Variants in CACNA2D3 observed in about 807,000 individuals in gnomAD.
The protein encoded by CACNA2D3 is calcium voltage-gated channel auxiliary subunit alpha2delta 3.
Under a neutral mutation model 160.6 loss-of-function variants are expected in CACNA2D3, and 60 were observed. The ratio of observed to expected loss-of-function variants is 0.37; its 90% CI spans 0.30 to 0.46. CACNA2D3 has a LOEUF of 0.46. Among genes scored for constraint, CACNA2D3 ranks in the 20% least tolerant of loss-of-function variants. The pLI, the probability that CACNA2D3 is intolerant of heterozygous loss-of-function variation, is 1.00. For synonymous variants in CACNA2D3, 558 were observed against 492.9 expected, an observed-to-expected ratio of 1.13 and a Z score of -1.75; for missense variants, 1,205 against 1,365.0, an observed-to-expected ratio of 0.88 and a Z score of 1.85.
At position 55,037,770 on chromosome 3, in the gene CACNA2D3, G is replaced by A. The variant is rs566662376; in HGVS notation, c.2987+19453G>A. On this transcript the variant is annotated intron_variant, in intron 35 of 37. Coordinates refer to ENST00000474759, the MANE Select transcript of CACNA2D3 (RefSeq NM_018398.3). ...TCACTTCTCCCCTCTGAAGCAATAA[G>A]TTTGTTTGCTTTCCCTGGCGTTAAC... Among the ~76,000 whole-genome samples the A allele has an allele frequency of 3.3e-5, 5 of 152,250 alleles. No individual in the cohort carries two copies. In the South Asian group the frequency reaches 8.3e-4, roughly 25 times the overall value.
chr3:54,738,430 A>G (rs1276176142), intron 11 of CACNA2D3, among the ~76,000 whole-genome samples: 1 of 152,228 alleles, frequency 6.6e-6, no homozygotes, highest in Non-Finnish European at 1.5e-5. Flanking sequence ...TGAAGGAAAC[A>G]TTTTGAAAAA....
chr3:54,866,370 A>G (rs1699400933), intron 17 of CACNA2D3, among the ~76,000 whole-genome samples: 1 of 152,194 alleles, frequency 6.6e-6, no homozygotes, highest in African/African-American at 2.4e-5. Flanking sequence ...ACAGGGCTTC[A>G]GAGGAAGTGG....
chr3:54,468,511 G>T (rs1202136178), intron 4 of CACNA2D3, among the ~76,000 whole-genome samples: 1 of 152,172 alleles, frequency 6.6e-6, no homozygotes, highest in African/African-American at 2.4e-5. Context: ...CAGCCGTTTG[G>T]TCAGACACTG....
At chr3:54,289,974 T>C (rs902664720) in intron 2 of CACNA2D3, among the ~76,000 whole-genome samples, 6 of 151,394 alleles carry the variant, frequency 4.0e-5, no homozygotes, top group African/African-American at 1.5e-4. Context: ...AACGTAGGCA[T>C]TACCATTCAG....
At chr3:54,680,581 C>T (rs1372224181) in intron 11 of CACNA2D3, among the ~76,000 whole-genome samples, 2 of 152,138 alleles carry the variant, frequency 1.3e-5, no homozygotes, top group Non-Finnish European at 2.9e-5. Flanking sequence ...AAGATATTTG[C>T]AAAGAGGAAA....
intron 16 of CACNA2D3, among the ~76,000 whole-genome samples, chr3:54,841,449 C>T (rs1698818476): frequency 6.6e-6 from 1 of 152,178 alleles, no homozygotes; most frequent in Non-Finnish European, 1.5e-5. Context: ...ATAAGTTAAC[C>T]TAAGGCATCC....
At chr3:54,848,001 A>G (rs987762050) in intron 17 of CACNA2D3, among the ~76,000 whole-genome samples, 2 of 152,224 alleles carry the variant, frequency 1.3e-5, no homozygotes, top group African/African-American at 4.8e-5. Flanking sequence ...TGTCATTTAA[A>G]GGAAAAATGA....
At chr3:54,352,254 G>A (rs527942041) in intron 3 of CACNA2D3, among the ~76,000 whole-genome samples, 2 of 152,222 alleles carry the variant, frequency 1.3e-5, no homozygotes, top group South Asian at 4.2e-4. Context: ...CTACTGAGTC[G>A]TTTATAAAAT....
intron 27 of CACNA2D3, among the ~76,000 whole-genome samples, chr3:54,917,420 C>T (rs1018870881): frequency 2.6e-5 from 4 of 152,186 alleles, no homozygotes; most frequent in Admixed American, 2.6e-4. Flanking sequence ...TGCAGTCTTC[C>T]TTCTTACTCC....
intron 6 of CACNA2D3, among the ~76,000 whole-genome samples, chr3:54,563,667 C>T (rs1243918871): frequency 3.3e-5 from 5 of 152,160 alleles, no homozygotes; most frequent in Non-Finnish European, 2.9e-5. Flanking sequence ...TGCAACTGTG[C>T]CAACATCACA....
At chr3:54,925,150 A>C in intron 27 of CACNA2D3, 1 of 1,614,072 alleles carries the variant, frequency 6.2e-7, no homozygotes, top group East Asian at 2.2e-5. Flanking sequence ...TGACAGTAAC[A>C]CTTGTCCGGG....
chr3:54,482,227 G>T (rs1280810668), intron 4 of CACNA2D3, among the ~76,000 whole-genome samples: 1 of 152,178 alleles, frequency 6.6e-6, no homozygotes, highest in East Asian at 1.9e-4. Context: ...TGGCTTTTCT[G>T]TAAGTTGAAA....
chr3:54,651,328 G>C (rs759594891), intron 11 of CACNA2D3, among the ~76,000 whole-genome samples: 2 of 151,148 alleles, frequency 1.3e-5, no homozygotes, highest in Non-Finnish European at 2.9e-5. Context: ...CTCTAGATGT[G>C]ATTAAATGAT....
At chr3:54,334,058 C>T (rs1704324062) in intron 3 of CACNA2D3, among the ~76,000 whole-genome samples, 1 of 152,090 alleles carries the variant, frequency 6.6e-6, no homozygotes. Context: ...GGGACTTTGC[C>T]CCAGTCATTT....
chr3:54,482,535 T>C (rs546408527), intron 4 of CACNA2D3, among the ~76,000 whole-genome samples: 182 of 152,314 alleles, frequency 1.2e-3, no homozygotes, highest in Non-Finnish European at 2.1e-3. Context: ...AATTTATGTT[T>C]ATTTTCTGTT....
At chr3:54,146,729 G>A (rs943678348) in intron 2 of CACNA2D3, among the ~76,000 whole-genome samples, 2 of 152,222 alleles carry the variant, frequency 1.3e-5, no homozygotes, top group Non-Finnish European at 2.9e-5. Flanking sequence ...TTAGGGGGAG[G>A]CCCTGAGGGA....
intron 3 of CACNA2D3, among the ~76,000 whole-genome samples, chr3:54,369,205 A>G (rs1052290028): frequency 2.6e-5 from 4 of 152,056 alleles, no homozygotes; most frequent in Non-Finnish European, 5.9e-5. Context: ...ACAAAGGAGC[A>G]TTGTCCTCTT....
chr3:54,368,693 C>CTTTTT lies in CACNA2D3; in HGVS notation c.322-18000_322-17996dup, dbSNP rs33976949. ...CAAGGTAATATTTGGGGGTAGGGTTCTTTTTTTTTTTTTTTTTTTTTTTTT... is the reference window on the plus strand; with the variant it reads ...CAAGGTAATATTTGGGGGTAGGGTTCTTTTTTTTTTTTTTTTTTTTTTTTTTTTTT... On this transcript the variant is annotated intron_variant, in intron 3 of 37. Transcript: ENST00000474759. Among the ~76,000 whole-genome samples the CTTTTT allele has an allele frequency of 9.1e-4, 65 of 71,538 alleles. 10 individuals are homozygous for CTTTTT. The highest frequency in any genetic ancestry group is 5.6e-3 in the South Asian group (8 of 1,430). 46.9% of individuals were successfully genotyped at this position (71,538 alleles called of 152,430 possible).
chr3:55,030,944 A>G (rs576520223), intron 35 of CACNA2D3, among the ~76,000 whole-genome samples: 1 of 152,136 alleles, frequency 6.6e-6, no homozygotes, highest in Non-Finnish European at 1.5e-5. Flanking sequence ...ATGACTAGGC[A>G]GGTTTCTACC....
Sources: gnomAD v4.1 joint callset for allele counts (sites outside exome capture counted in the v4.1 genomes callset) on GRCh38, gnomAD v4.1.1 for gene constraint, MANE v1.5 for transcripts, NCBI Gene and HGNC (gene_info 2026-07-23, HGNC 2026-07-21) for gene names.